BTBD9: variants seen among roughly 807,000 people sequenced by gnomAD.
BTBD9 encodes BTB/POZ domain-containing protein 9.
Under a neutral mutation model 64.3 loss-of-function variants are expected in BTBD9, and 49 were observed. The observed-to-expected ratio is 0.76, with a 90% CI of 0.61 to 0.97. The LOEUF (loss-of-function observed/expected upper bound fraction) is 0.97, where lower values mean the gene tolerates loss of function less well. Ranked by LOEUF, BTBD9 falls within the 50% of genes least tolerant of loss-of-function variation. The pLI is 0.00. For missense variants in BTBD9, 598 were observed against 762.1 expected (o/e 0.78, Z 2.53); for synonymous variants, 260 against 274.7 (o/e 0.95, Z 0.53).
At chr6:38,308,744 T>A (rs1280907855) in intron 7 of BTBD9, among the ~76,000 whole-genome samples, 2 of 152,178 alleles carry the variant, frequency 1.3e-5, no homozygotes, top group Non-Finnish European at 2.9e-5. Context: ...TAGCTGGGAC[T>A]ACAGGTATGT....
At chr6:38,262,643 T>G (rs925073862) in intron 8 of BTBD9, among the ~76,000 whole-genome samples, 4 of 152,162 alleles carry the variant, frequency 2.6e-5, no homozygotes, top group Non-Finnish European at 5.9e-5. Context: ...AAAACTCTTT[T>G]CTTTGTGGCT....
rs9369051 is a variant in BTBD9, at chr6:38,347,400, T to C, written c.1155-2307A>G. 5.5e-3 allele frequency among the ~76,000 whole-genome samples: 845 copies of C among 152,328 alleles called. 55 individuals are homozygous for C. In the East Asian group the frequency reaches 0.15, roughly 27 times the overall value. ...AAGTCAAATTAGCAATTCACCATTA[T>C]ATCTCACACCTTTTGATCAGCCTGT... On this transcript the variant is annotated intron_variant, in intron 6 of 10. Transcript: ENST00000481247.
intron 9 of BTBD9, among the ~76,000 whole-genome samples, chr6:38,254,730 T>G (rs1173880917): frequency 6.6e-6 from 1 of 152,160 alleles, no homozygotes; most frequent in Non-Finnish European, 1.5e-5. Context: ...TCGTCCCTAC[T>G]AGGATGGCTA....
rs71542165 is a variant in BTBD9, at chr6:38,210,536, T to TTGTGTGTGTGTGTG, written c.1563-17953_1563-17940dup. Among the ~76,000 whole-genome samples, 213 of 146,452 alleles carry TTGTGTGTGTGTGTG rather than the reference T, an allele frequency of 1.5e-3. 1 individual carries two copies. The highest frequency in any genetic ancestry group is 4.8e-3 in the African/African-American group (187 of 39,244). Reference sequence around the variant, plus strand: ...AGTGGTGGTGGGAGAGTGCGTGTGTTTGTGTGTGTGTGTGTGTGTGTGTGT... The same window carrying TTGTGTGTGTGTGTG: ...AGTGGTGGTGGGAGAGTGCGTGTGTTTGTGTGTGTGTGTGTGTGTGTGTGTGTGTGTGTGTGTGT... On this transcript the variant is annotated intron_variant, in intron 9 of 10. Transcript: ENST00000481247.
chr6:38,611,918 T>C (rs1316444767), intron 1 of BTBD9, among the ~76,000 whole-genome samples: 1 of 152,224 alleles, frequency 6.6e-6, no homozygotes, highest in African/African-American at 2.4e-5. Context: ...GCATCTTTCT[T>C]GGTGTTTGCT....
intron 8 of BTBD9, among the ~76,000 whole-genome samples, chr6:38,286,095 T>C (rs1761717549): frequency 2.0e-5 from 3 of 152,206 alleles, no homozygotes; most frequent in Non-Finnish European, 4.4e-5. Flanking sequence ...TTTCCCTCCC[T>C]AAGCACAAAG....
intron 9 of BTBD9, among the ~76,000 whole-genome samples, chr6:38,212,888 G>T (rs1253405902): frequency 6.6e-6 from 1 of 152,068 alleles, no homozygotes; most frequent in Non-Finnish European, 1.5e-5. Flanking sequence ...GAAGCACCCT[G>T]GAAATGTGAA....
chr6:38,607,110 T>C (rs549700574), intron 1 of BTBD9, among the ~76,000 whole-genome samples: 2 of 152,302 alleles, frequency 1.3e-5, no homozygotes, highest in Admixed American at 1.3e-4. Context: ...TATACATACA[T>C]GTACTTTGCT....
At chr6:38,475,810 G>T (rs1279351289) in intron 6 of BTBD9, among the ~76,000 whole-genome samples, 1 of 152,126 alleles carries the variant, frequency 6.6e-6, no homozygotes, top group African/African-American at 2.4e-5. Flanking sequence ...GAAGAGAAGT[G>T]GAGAGGAGGT....
At chr6:38,530,583 C>T (rs556687953) in intron 6 of BTBD9, among the ~76,000 whole-genome samples, 2 of 97,494 alleles carry the variant, frequency 2.1e-5, no homozygotes, top group East Asian at 2.1e-4. Context: ...ATAGAAAGAA[C>T]CTACATTGAA....
intron 6 of BTBD9, among the ~76,000 whole-genome samples, chr6:38,516,555 C>T (rs1460348928): frequency 2.6e-5 from 4 of 152,152 alleles, no homozygotes; most frequent in East Asian, 3.9e-4. Context: ...CAATTCAGAA[C>T]GGGTCAAGAG....
At chr6:38,520,437 G>A (rs188956348) in intron 6 of BTBD9, among the ~76,000 whole-genome samples, 219 of 152,078 alleles carry the variant, frequency 1.4e-3, no homozygotes, top group African/African-American at 4.9e-3. Context: ...CTCCATCCTG[G>A]GAGACAGAGC....
At position 38,504,638 on chromosome 6, in the gene BTBD9, A is replaced by G. The variant is rs558231828; in HGVS notation, c.1154+72962T>C. On this transcript the variant is annotated intron_variant, in intron 6 of 10. Transcript: ENST00000481247. ...TATAGTTTAAAATTATATAAAATAC[A>G]CCTATCTTTCAACCCAGGAAGCCCA... is the stretch of plus-strand genomic sequence containing the variant. 1.7e-4 allele frequency: 76 copies of G among 454,332 alleles called. 1 individual carries two copies. Among genetic ancestry groups the G allele is most frequent in the South Asian group, 1.2e-3 (74 of 63,826 alleles). 28.1% of individuals were successfully genotyped at this position (454,332 alleles called of 1,614,324 possible).
At chr6:38,496,368 C>T (rs997485870) in intron 6 of BTBD9, among the ~76,000 whole-genome samples, 2 of 151,984 alleles carry the variant, frequency 1.3e-5, no homozygotes, top group East Asian at 1.9e-4. Flanking sequence ...ATCAGCCAGG[C>T]GCAGTGGTTC....
chr6:38,450,964 T>C (rs1173989641), intron 6 of BTBD9, among the ~76,000 whole-genome samples: 1 of 152,216 alleles, frequency 6.6e-6, no homozygotes, highest in East Asian at 1.9e-4. Flanking sequence ...TTCATCACTT[T>C]GTTTGTTGCC....
chr6:38,424,661 T>G (rs1246392461), intron 6 of BTBD9, among the ~76,000 whole-genome samples: 1 of 149,718 alleles, frequency 6.7e-6, no homozygotes, highest in Non-Finnish European at 1.5e-5. Context: ...GCATTACTGG[T>G]GCACACCACC....
intron 1 of BTBD9, among the ~76,000 whole-genome samples, chr6:38,616,954 T>C (rs972804255): frequency 1.1e-4 from 16 of 152,116 alleles, no homozygotes; most frequent in Non-Finnish European, 2.4e-4. Flanking sequence ...CGGACACATC[T>C]TGGGGACTTG....
At chr6:38,491,147 A>C (rs950131111) in intron 6 of BTBD9, among the ~76,000 whole-genome samples, 9 of 152,252 alleles carry the variant, frequency 5.9e-5, no homozygotes, top group Non-Finnish European at 4.4e-5. Flanking sequence ...AAAGACAACG[A>C]AACTCAAGCA....
chr6:38,349,735 G>C (rs1764425834), intron 6 of BTBD9, among the ~76,000 whole-genome samples: 1 of 151,990 alleles, frequency 6.6e-6, no homozygotes, highest in Non-Finnish European at 1.5e-5. Flanking sequence ...ACTGACTTTA[G>C]ATGTTAAAAT....
Sources: gnomAD v4.1 joint callset for allele counts (sites outside exome capture counted in the v4.1 genomes callset) on GRCh38, gnomAD v4.1.1 for gene constraint, MANE v1.5 for transcripts, NCBI Gene and HGNC (gene_info 2026-07-23, HGNC 2026-07-21) for gene names.